Variants in TRERF1 observed in about 807,000 individuals in gnomAD.
The protein encoded by TRERF1 is transcriptional-regulating factor 1.
In TRERF1, 27 loss-of-function variants were observed where a neutral mutation model predicts 122.9. That is an observed-to-expected ratio of 0.22 (90% CI 0.16 to 0.30). The LOEUF (loss-of-function observed/expected upper bound fraction) is 0.30. Ranked by LOEUF, TRERF1 falls within the 10% of genes least tolerant of loss-of-function variation. TRERF1 has a pLI of 1.00. For missense variants in TRERF1, 1,248 were observed against 1,560.3 expected (o/e 0.80, Z 3.37); for synonymous variants, 636 against 641.7 (o/e 0.99, Z 0.13).
intron 3 of TRERF1, among the ~76,000 whole-genome samples, chr6:42,323,302 G>A (rs1399453343): frequency 6.6e-6 from 1 of 151,232 alleles, no homozygotes; most frequent in Non-Finnish European, 1.5e-5. Context: ...GGGTTCAAAC[G>A]ATTCTTCTGC....
rs755662074 is a variant in TRERF1, at chr6:42,263,266, C to T, written c.1884+54G>A. 68 of 1,544,220 alleles carry T rather than the reference C, an allele frequency of 4.4e-5. 1 individual carries two copies. In the East Asian group the frequency reaches 7.5e-4, roughly 17 times the overall value. ...GGGCAGAGCAGCAACTCACAGCAGG[C>T]GTGCGGGGGGCAGCCCCTTGGGGTG... On this transcript the variant is annotated intron_variant, in intron 8 of 17. Transcript: ENST00000372922. The surrounding 1 kb of genome is among the most constrained non-coding windows in gnomAD (Gnocchi z 5.6).
intron 2 of TRERF1, among the ~76,000 whole-genome samples, chr6:42,437,881 G>A (rs529920038): frequency 3.9e-4 from 59 of 152,188 alleles, no homozygotes; most frequent in African/African-American, 1.3e-3. Flanking sequence ...ATGATGGTGT[G>A]CATCTGCACT....
At chr6:42,306,271 G>A (rs1787227305) in intron 3 of TRERF1, among the ~76,000 whole-genome samples, 1 of 151,934 alleles carries the variant, frequency 6.6e-6, no homozygotes, top group African/African-American at 2.4e-5. Context: ...CAAAGTGCTG[G>A]GATTACAGGT....
chr6:42,244,880 A>G (rs965416908), intron 14 of TRERF1, among the ~76,000 whole-genome samples: 11 of 152,248 alleles, frequency 7.2e-5, no homozygotes, highest in Non-Finnish European at 1.5e-4. Flanking sequence ...TTTAGTTCAT[A>G]TGCTGTATGA....
At chr6:42,352,701 G>A (rs1445564568) in intron 3 of TRERF1, among the ~76,000 whole-genome samples, 1 of 152,104 alleles carries the variant, frequency 6.6e-6, no homozygotes, top group Admixed American at 6.5e-5. Flanking sequence ...GAGCCCTTGT[G>A]AGCCAATTAA....
At chr6:42,229,160 CA>C (rs1770029064) in intron 17 of TRERF1, among the ~76,000 whole-genome samples, 1 of 152,188 alleles carries the variant, frequency 6.6e-6, no homozygotes, top group Non-Finnish European at 1.5e-5. Context: ...TAAATAGAGA[CA>C]GGGTGTCTCT....
At chr6:42,295,188 T>A (rs966322322) in intron 4 of TRERF1, among the ~76,000 whole-genome samples, 1 of 152,162 alleles carries the variant, frequency 6.6e-6, no homozygotes, top group African/African-American at 2.4e-5. Flanking sequence ...CTTCTAAATA[T>A]TTGAGCAATG....
At chr6:42,325,171 T>C (rs1764078679) in intron 3 of TRERF1, among the ~76,000 whole-genome samples, 1 of 152,136 alleles carries the variant, frequency 6.6e-6, no homozygotes, top group Non-Finnish European at 1.5e-5. Context: ...ACATCGCTAA[T>C]CATCACAGAA....
intron 3 of TRERF1, among the ~76,000 whole-genome samples, chr6:42,351,144 C>CCA: frequency 6.6e-6 from 1 of 152,144 alleles, no homozygotes; most frequent in Non-Finnish European, 1.5e-5. Flanking sequence ...ATAATGTTCA[C>CCA]GATAGTCAAG....
At chr6:42,243,582 A>ATTT in intron 14 of TRERF1, among the ~76,000 whole-genome samples, 1 of 142,372 alleles carries the variant, frequency 7.0e-6, no homozygotes, top group Non-Finnish European at 1.5e-5. Context: ...ACCATTCCAG[A>ATTT]TTTTTTTTTT....
intron 3 of TRERF1, among the ~76,000 whole-genome samples, chr6:42,350,557 T>C (rs1452599881): frequency 6.6e-6 from 1 of 152,210 alleles, no homozygotes; most frequent in African/African-American, 2.4e-5. Flanking sequence ...ACTATCTCCA[T>C]GGATAACTTA....
intron 2 of TRERF1, among the ~76,000 whole-genome samples, chr6:42,379,155 A>AC (rs1743448300): frequency 6.6e-6 from 1 of 151,150 alleles, no homozygotes; most frequent in Admixed American, 6.6e-5. Context: ...TGTGTGTACC[A>AC]CCCCCCACAG....
At chr6:42,350,453 T>TA (rs1769199834) in intron 3 of TRERF1, among the ~76,000 whole-genome samples, 1 of 152,222 alleles carries the variant, frequency 6.6e-6, no homozygotes, top group South Asian at 2.1e-4. Flanking sequence ...CTCACTTGGT[T>TA]AAAGCATGGA....
chr6:42,447,736 G>A lies in TRERF1; in HGVS notation c.-454+3441C>T, dbSNP rs975674978. The stretch of plus-strand genomic sequence containing the variant: ...TTTTGTTTTTTTGAGACAGAGTCTC[G>A]CTCTGTCACCCAGGCTGGAGTGCAA... On this transcript the variant is annotated intron_variant, in intron 2 of 17. Coordinates refer to ENST00000372922, the Ensembl canonical transcript of TRERF1. 5.3e-5 allele frequency among the ~76,000 whole-genome samples: 8 copies of A among 151,920 alleles called. No individual in the cohort carries two copies. In the East Asian group the frequency reaches 1.2e-3, roughly 22 times the overall value.
intron 2 of TRERF1, among the ~76,000 whole-genome samples, chr6:42,382,396 A>T (rs921076686): frequency 6.7e-6 from 1 of 150,106 alleles, no homozygotes; most frequent in Non-Finnish European, 1.5e-5. Context: ...CTCTTAGCAA[A>T]ATCCTTCTCA....
At chr6:42,303,395 T>C (rs919362679) in intron 3 of TRERF1, among the ~76,000 whole-genome samples, 4 of 152,170 alleles carry the variant, frequency 2.6e-5, no homozygotes, top group African/African-American at 9.7e-5. Flanking sequence ...TAGTCTTTAA[T>C]ATGAGCCCTA....
intron 2 of TRERF1, among the ~76,000 whole-genome samples, chr6:42,366,127 T>C (rs1175238656): frequency 6.6e-6 from 1 of 152,128 alleles, no homozygotes; most frequent in African/African-American, 2.4e-5. Flanking sequence ...TCTCCTGCAG[T>C]CTGCTGGGTG....
At chr6:42,447,910 G>C (rs1787821522) in intron 2 of TRERF1, among the ~76,000 whole-genome samples, 1 of 152,104 alleles carries the variant, frequency 6.6e-6, no homozygotes, top group South Asian at 2.1e-4. Context: ...CACCATGTTG[G>C]CCAGGCTGGT....
chr6:42,236,559 C>T (rs1772256402), intron 15 of TRERF1, 148 bp from the exon 16 acceptor site: 1 of 1,302,944 alleles, frequency 7.7e-7, no homozygotes, highest in African/African-American at 1.5e-5. Context: ...TGGACAGAGC[C>T]TGTTAGGCGT....
Sources: gnomAD v4.1 joint callset for allele counts (sites outside exome capture counted in the v4.1 genomes callset) on GRCh38, gnomAD v4.1.1 for gene constraint, Gnocchi (gnomAD v3.1) non-coding constraint, MANE v1.5 for transcripts, NCBI Gene and HGNC (gene_info 2026-07-23, HGNC 2026-07-21) for gene names.